CFAP61: variants seen among roughly 807,000 people sequenced by gnomAD.
CFAP61 encodes the protein cilia- and flagella-associated protein 61.
Under a neutral mutation model 135.6 loss-of-function variants are expected in CFAP61, and 107 were observed. The observed-to-expected ratio is 0.79, with a 90% CI of 0.67 to 0.93. CFAP61 has a LOEUF of 0.93. Among genes scored for constraint, CFAP61 ranks in the 40% least tolerant of loss-of-function variants. The probability of loss-of-function intolerance (pLI) is 0.00; values close to 1 mark genes in which losing one functional copy is unlikely to be tolerated. For synonymous variants in CFAP61, 575 were observed against 578.5 expected, an observed-to-expected ratio of 0.99 and a Z score of 0.09; for missense variants, 1,507 against 1,556.2, an observed-to-expected ratio of 0.97 and a Z score of 0.53.
chr20:20,147,169 A>G (rs985525909), intron 9 of CFAP61, among the ~76,000 whole-genome samples: 3 of 152,182 alleles, frequency 2.0e-5, no homozygotes, highest in Non-Finnish European at 2.9e-5. Context: ...TAGTTTGGCT[A>G]CATATCTTTG....
intron 7 of CFAP61, chr20:20,094,675 G>A (rs529502044): frequency 1.3e-5 from 2 of 152,426 alleles, no homozygotes; most frequent in South Asian, 4.1e-4. Context: ...AGAGGCAGAG[G>A]GCATCCAGCC....
intron 14 of CFAP61, among the ~76,000 whole-genome samples, chr20:20,188,961 C>T (rs1429954196): frequency 2.0e-5 from 3 of 152,124 alleles, no homozygotes; most frequent in South Asian, 2.1e-4. Context: ...GGAATCACAC[C>T]GTTTGTTTTC....
chr20:20,128,258 C>T (rs1480909079), intron 8 of CFAP61, among the ~76,000 whole-genome samples: 3 of 151,742 alleles, frequency 2.0e-5, no homozygotes, highest in East Asian at 1.9e-4. Context: ...TCCTTCTCCC[C>T]GTGGTGTTTT....
Position 20,360,217 on chromosome 20 carries a change from ATCTTC to A in CFAP61, c.3522_3526del (p.Leu1175PhefsTer12), listed in dbSNP as rs771344630. On this transcript the variant is annotated frameshift_variant, in exon 27 of 27. Transcript: ENST00000245957. LOFTEE classifies it high-confidence loss of function. ...TCTTACTGTGTTTTACAGGAGGAAG[ATCTTC>A]CTTCCATAGAGCAGTTAGCCCATCA... 4.2e-4 allele frequency: 671 copies of A among 1,612,946 alleles called. No individual in the cohort carries two copies. The highest frequency in any genetic ancestry group is 5.5e-4 in the Non-Finnish European group (649 of 1,179,018).
chr20:20,166,295 C>A, intron 11 of CFAP61, 102 bp from the exon 12 acceptor site: 1 of 897,390 alleles, frequency 1.1e-6, no homozygotes, highest in Non-Finnish European at 1.8e-6. Flanking sequence ...TAGTGGTTGG[C>A]TAATCGCTGC....
At position 20,288,600 on chromosome 20, in the gene CFAP61, A is replaced by C. The variant is rs1460971288; in HGVS notation, c.2797-9A>C. 6.2e-7 allele frequency: 1 copy of C among 1,603,306 alleles called. No individual in the cohort carries two copies. Among genetic ancestry groups the C allele is most frequent in the South Asian group, 1.1e-5 (1 of 90,714 alleles). ...TAACTGAATATTGCTGTAATTGTTC[A>C]CTTCGTAGATGTTCTTCAGCTTCTG... On this transcript the variant is annotated splice_polypyrimidine_tract_variant and intron_variant, in intron 22 of 26. Transcript: ENST00000245957.
intron 21 of CFAP61, chr20:20,265,675 G>C: frequency 3.4e-6 from 2 of 588,578 alleles, no homozygotes; most frequent in South Asian, 4.0e-5. Flanking sequence ...CACCTCTCAG[G>C]TAGGTGCTCT....
intron 18 of CFAP61, among the ~76,000 whole-genome samples, chr20:20,231,657 C>T (rs1241157923): frequency 6.6e-6 from 1 of 152,194 alleles, no homozygotes; most frequent in Admixed American, 6.5e-5. Flanking sequence ...AGGACCCAGC[C>T]TTCTTTCCTG....
chr20:20,103,884 G>A (rs540477384), intron 8 of CFAP61, among the ~76,000 whole-genome samples: 17 of 152,232 alleles, frequency 1.1e-4, no homozygotes, highest in Admixed American at 7.2e-4. Context: ...TGGCATTGCC[G>A]CATTTAATAG....
At chr20:20,199,095 C>T (rs2056464149) in intron 16 of CFAP61, among the ~76,000 whole-genome samples, 1 of 152,176 alleles carries the variant, frequency 6.6e-6, no homozygotes, top group South Asian at 2.1e-4. Context: ...AAGCATTCCC[C>T]TAAGACATGA....
chr20:20,357,943 T>C (rs1226698350), intron 26 of CFAP61, among the ~76,000 whole-genome samples: 1 of 57,926 alleles, frequency 1.7e-5, no homozygotes, highest in Non-Finnish European at 3.2e-5. Context: ...TGAGGGAAGG[T>C]GGTCACACTG....
intron 2 of CFAP61, among the ~76,000 whole-genome samples, chr20:20,058,857 C>T (rs2044570635): frequency 6.6e-6 from 1 of 152,082 alleles, no homozygotes; most frequent in South Asian, 2.1e-4. Context: ...GATAAAGTTG[C>T]AAGGTATATG....
chr20:20,141,151 C>G (rs1697835488), intron 8 of CFAP61, among the ~76,000 whole-genome samples: 1 of 152,200 alleles, frequency 6.6e-6, no homozygotes. Context: ...GAACTCCTGA[C>G]CTCAGGTGAT....
Position 20,251,580 on chromosome 20 carries a change from C to T in CFAP61, c.2160-15C>T. On this transcript the variant is annotated splice_polypyrimidine_tract_variant and intron_variant, in intron 19 of 26. Coordinates refer to ENST00000245957, the MANE Select transcript of CFAP61 (RefSeq NM_015585.4). ...AGCTGCTCAGATGTCACTTACGGAGCTTCTCTCTTTGCAGCCACTGTTTTA... is the reference window on the plus strand; with the variant it reads ...AGCTGCTCAGATGTCACTTACGGAGTTTCTCTCTTTGCAGCCACTGTTTTA... 6.2e-7 allele frequency: 1 copy of T among 1,612,948 alleles called. No homozygotes were observed. Among genetic ancestry groups the T allele is most frequent in the Non-Finnish European group, 8.5e-7 (1 of 1,179,412 alleles).
intron 15 of CFAP61, among the ~76,000 whole-genome samples, chr20:20,195,271 G>A (rs570481184): frequency 6.6e-6 from 1 of 152,320 alleles, no homozygotes; most frequent in Non-Finnish European, 1.5e-5. Context: ...CAGCCTTGCT[G>A]ATCACAGAAC....
intron 6 of CFAP61, chr20:20,085,597 TG>T: frequency 8.8e-7 from 1 of 1,140,382 alleles, no homozygotes; most frequent in Non-Finnish European, 1.2e-6. Context: ...CCTAGGGCTC[TG>T]GGTCTTTCGG....
At chr20:20,216,137 C>T (rs892034159) in intron 17 of CFAP61, among the ~76,000 whole-genome samples, 5 of 152,200 alleles carry the variant, frequency 3.3e-5, no homozygotes, top group Admixed American at 6.5e-5. Context: ...AATTTCCTTA[C>T]TGTAAATGTC....
intron 24 of CFAP61, among the ~76,000 whole-genome samples, chr20:20,294,213 G>A (rs1043918131): frequency 2.6e-5 from 4 of 152,216 alleles, no homozygotes; most frequent in African/African-American, 9.6e-5. Flanking sequence ...GTGCCCTACG[G>A]CATCACTTAG....
chr20:20,159,351 T>A lies in CFAP61; in HGVS notation c.952-19T>A. The A allele has an allele frequency of 6.2e-7, 1 of 1,612,954 alleles. No homozygotes were observed. The highest frequency in any genetic ancestry group is 1.7e-5 in the Admixed American group (1 of 60,014). The stretch of plus-strand genomic sequence containing the variant: ...GTAGGTGTCGATTAATTTTCATGTT[T>A]TGCTGTCATCATTTCCAGGGAAATA... On this transcript the variant is annotated intron_variant, in intron 9 of 26. Coordinates refer to ENST00000245957, the MANE Select transcript of CFAP61 (RefSeq NM_015585.4).
Sources: allele counts gnomAD v4.1 joint callset (sites outside exome capture counted in the v4.1 genomes callset), GRCh38; gene constraint gnomAD v4.1.1; transcripts MANE v1.5; gene names NCBI Gene and HGNC (gene_info 2026-07-23, HGNC 2026-07-21).